The following PLA2G2D variants were observed in gnomAD, a reference collection of about 807,000 sequenced individuals.
PLA2G2D encodes group IID secretory phospholipase A2.
In PLA2G2D, 17 loss-of-function variants were observed where a neutral mutation model predicts 13.9. That is an observed-to-expected ratio of 1.23 (90% CI 0.84 to 1.84). PLA2G2D has a LOEUF of 1.84. Ranked by LOEUF, PLA2G2D falls within the 40% of genes most tolerant of loss-of-function variation. The probability of loss-of-function intolerance (pLI) is 0.00; values close to 1 mark genes in which losing one functional copy is unlikely to be tolerated. For synonymous variants in PLA2G2D, 83 were observed against 69.3 expected, an observed-to-expected ratio of 1.20 and a Z score of -0.98; for missense variants, 194 against 178.7, an observed-to-expected ratio of 1.09 and a Z score of -0.49.
Position 20,115,620 on chromosome 1 carries a change from CAG to C in PLA2G2D, c.186-9_186-8del. 1 of 1,580,492 alleles carries C rather than the reference CAG, an allele frequency of 6.3e-7. No individual in the cohort carries two copies. Among genetic ancestry groups the C allele is most frequent in the Non-Finnish European group, 8.7e-7 (1 of 1,149,752 alleles). ...GTCATGGGTCTGGCAGCACCTGGAG[CAG>C]ACAGGGTGCACAGCTGCATGGGTCC... On this transcript the variant is annotated splice_polypyrimidine_tract_variant and splice_region_variant and intron_variant, in intron 2 of 3. Coordinates refer to ENST00000375105, the MANE Select transcript of PLA2G2D (RefSeq NM_012400.4).
chr1:20,114,875 A>G (rs951302083), intron 3 of PLA2G2D, among the ~76,000 whole-genome samples: 1 of 152,216 alleles, frequency 6.6e-6, no homozygotes, highest in African/African-American at 2.4e-5. Context: ...TACTATTATT[A>G]TGAAGCCCTC....
intron 2 of PLA2G2D, among the ~76,000 whole-genome samples, chr1:20,115,839 A>G (rs41264133): frequency 0.035 from 5,302 of 152,222 alleles, 126 homozygotes; most frequent in Middle Eastern, 0.078. Context: ...CCACCATGGG[A>G]TGGAGGTACT....
chr1:20,118,604 T>C (rs1267656255), intron 1 of PLA2G2D, among the ~76,000 whole-genome samples: 1 of 152,224 alleles, frequency 6.6e-6, no homozygotes, highest in African/African-American at 2.4e-5. Flanking sequence ...ACACTTAGTG[T>C]CTGTTTTCCC....
rs902689513 is a variant in PLA2G2D at position 20,112,673 on chromosome 1, G to C, written c.*1441C>G. The stretch of plus-strand genomic sequence containing the variant: ...GATTCTTGTGCAAATGCTTTACTGA[G>C]GGAGTACTTTCTGGAGAAACCTGTG... On this transcript the variant is annotated 3_prime_UTR_variant, in exon 4 of 4. Coordinates refer to ENST00000375105, the MANE Select transcript of PLA2G2D (RefSeq NM_012400.4). 2.0e-5 allele frequency: 3 copies of C among 152,194 alleles called. No homozygotes were observed. The highest frequency in any genetic ancestry group is 1.3e-4 in the Admixed American group (2 of 15,276). The allele number at this position is 152,194 out of a possible 1,614,324, so 9.4% of individuals were successfully genotyped here.
Position 20,113,909 on chromosome 1 carries a change from AT to A in PLA2G2D, c.*204del. ...TGCTTGGGCTTCTCCCAAGATTCCC[AT>A]CCACCCTCAGAGGACACAGCTACTG... On this transcript the variant is annotated 3_prime_UTR_variant, in exon 4 of 4. Coordinates refer to ENST00000375105, the MANE Select transcript of PLA2G2D (RefSeq NM_012400.4). The A allele has an allele frequency of 4.1e-6, 2 of 483,436 alleles. No individual in the cohort carries two copies. Among genetic ancestry groups the A allele is most frequent in the Non-Finnish European group, 7.5e-6 (2 of 267,680 alleles). The allele number at this position is 483,436 out of a possible 1,614,324, so 29.9% of individuals were successfully genotyped here.
rs1254609304 is a variant in PLA2G2D, at chr1:20,113,576, G to T, written c.*538C>A. 6.6e-6 allele frequency: 1 copy of T among 152,380 alleles called. No individual in the cohort carries two copies. Among genetic ancestry groups the T allele is most frequent in the Non-Finnish European group, 1.5e-5 (1 of 68,282 alleles). 9.4% of individuals were successfully genotyped at this position (152,380 alleles called of 1,614,324 possible). ...AGGGATGCAACTGAGTTTAAGACAG[G>T]CATGGCCTCCACCTGCAGGGACTTC... On this transcript the variant is annotated 3_prime_UTR_variant, in exon 4 of 4. Transcript: ENST00000375105.
chr1:20,112,060 A>G lies in PLA2G2D; in HGVS notation c.*2054T>C, dbSNP rs1028374576. 5 of 151,548 alleles carry G rather than the reference A, an allele frequency of 3.3e-5. No individual in the cohort carries two copies. Among genetic ancestry groups the G allele is most frequent in the Non-Finnish European group, 7.4e-5 (5 of 67,950 alleles). The allele number at this position is 151,548 out of a possible 1,614,324, so 9.4% of individuals were successfully genotyped here. A position where few individuals can be genotyped will look rare whatever the true frequency, so the allele number is the denominator to read the frequency against. On this transcript the variant is annotated 3_prime_UTR_variant, in exon 4 of 4. Coordinates refer to ENST00000375105, the MANE Select transcript of PLA2G2D (RefSeq NM_012400.4). ...GGGCTCACTGAAACCTCTGCCTCCC[A>G]GGTCCAAGTGATTCTCCTGCCTCAG...
chr1:20,115,485 G>T lies in PLA2G2D; in HGVS notation c.292+22C>A, dbSNP rs2016966319. On this transcript the variant is annotated intron_variant, in intron 3 of 3. Coordinates refer to ENST00000375105, the MANE Select transcript of PLA2G2D (RefSeq NM_012400.4). ...TCCCTTCCTGGGGTCTCCAGCTCCT[G>T]CCCTGAGGTCTGCGTACTCACAGCA... The T allele has an allele frequency of 5.9e-6, 8 of 1,363,790 alleles. No individual in the cohort carries two copies. The East Asian group carries it at 1.6e-4, about 27-fold the overall frequency. The allele number at this position is 1,363,790 out of a possible 1,614,324, so 84.5% of individuals were successfully genotyped here. A position where few individuals can be genotyped will look rare whatever the true frequency, so the allele number is the denominator to read the frequency against.
intron 2 of PLA2G2D, among the ~76,000 whole-genome samples, 153 bp downstream of exon 2, chr1:20,116,180 C>T (rs148721758): frequency 1.7e-4 from 26 of 152,266 alleles, no homozygotes. Flanking sequence ...TCCAGGAGGG[C>T]TGGGACCGTA....
In PLA2G2D at chr1:20,114,625, T is replaced by C. The variant is rs138864211; in HGVS notation, c.293-366A>G. Among the ~76,000 whole-genome samples the C allele has an allele frequency of 2.3e-3, 344 of 152,016 alleles. 4 individuals are homozygous for C. The highest frequency in any genetic ancestry group is 7.7e-3 in the African/African-American group (318 of 41,448). On this transcript the variant is annotated intron_variant, in intron 3 of 3. Coordinates refer to ENST00000375105, the MANE Select transcript of PLA2G2D (RefSeq NM_012400.4). ...AGGGCTAGGAGATCAGAAAACAGGG[T>C]GGAAGAGCCTTTTGAGCTGAGATCG...
chr1:20,113,506 G>A lies in PLA2G2D; in HGVS notation c.*608C>T, dbSNP rs2016925753. On this transcript the variant is annotated 3_prime_UTR_variant, in exon 4 of 4. Transcript: ENST00000375105. ...GCTTTGTCTAGGCTTCACCCAAGAA[G>A]GATTTATGGAGCTCCTTCTTGGTTC... The A allele has an allele frequency of 6.6e-6, 1 of 152,214 alleles. No homozygotes were observed. The highest frequency in any genetic ancestry group is 6.5e-5 in the Admixed American group (1 of 15,286). The allele number at this position is 152,214 out of a possible 1,614,324, so 9.4% of individuals were successfully genotyped here. A position where few individuals can be genotyped will look rare whatever the true frequency, so the allele number is the denominator to read the frequency against.
At chr1:20,116,237 G>C in intron 2 of PLA2G2D, 96 bp downstream of exon 2, 3 of 1,253,078 alleles carry the variant, frequency 2.4e-6, no homozygotes, top group African/African-American at 2.9e-5. Context: ...CAACAAAATG[G>C]ATTCAACTCA....
At position 20,114,246 on chromosome 1, in the gene PLA2G2D, G is replaced by C; in HGVS notation, c.306C>G (p.Ser102Arg). The C allele has an allele frequency of 6.2e-7, 1 of 1,613,402 alleles. No homozygotes were observed. The highest frequency in any genetic ancestry group is 1.1e-5 in the South Asian group (1 of 91,024). ...AGGCACACAGCTGCTGCTCACACCA[G>C]CTTCCCTTGTCAGCTGTGGACGGAG... ...QGNIHCSDKGSWCEQQLCACD... is the reference protein window; with the variant it reads ...QGNIHCSDKGRWCEQQLCACD... The change falls in exon 4 of 4, where the codon AGC becomes AGG. Residue 102 changes from serine to arginine, a missense_variant. Physicochemically the swap from Ser to Arg is moderately radical, Grantham distance 110 (BLOSUM62 -1). Coordinates refer to ENST00000375105, the MANE Select transcript of PLA2G2D (RefSeq NM_012400.4).
chr1:20,115,640 A>G (rs564867314), intron 2 of PLA2G2D, 27 bp from the exon 3 acceptor site: 36 of 1,412,464 alleles, frequency 2.5e-5, no homozygotes, highest in Non-Finnish European at 3.3e-5. Flanking sequence ...GCACAGCTGC[A>G]TGGGTCCCCA....
At chr1:20,114,370 C>T (rs2016941891) in intron 3 of PLA2G2D, 111 bp from the exon 4 acceptor site, 3 of 1,131,914 alleles carry the variant, frequency 2.7e-6, no homozygotes, top group East Asian at 2.6e-5. Flanking sequence ...GTAGAGGTAC[C>T]GGTCCCAGCA....
intron 3 of PLA2G2D, 52 bp from the exon 4 acceptor site, chr1:20,114,311 C>G (rs1557767114): frequency 1.9e-6 from 3 of 1,575,102 alleles, no homozygotes; most frequent in South Asian, 1.2e-5. Flanking sequence ...GAGACAGAGG[C>G]AGGTATGAGT....
chr1:20,113,703 A>T lies in PLA2G2D; in HGVS notation c.*411T>A, dbSNP rs903812648. ...ACAGTGGAGGGCCTTGAGGTTTTAA[A>T]AGATAGAGCCACATGGACAGAAAGA... is the stretch of plus-strand genomic sequence containing the variant. On this transcript the variant is annotated 3_prime_UTR_variant, in exon 4 of 4. Transcript: ENST00000375105. 4.3e-5 allele frequency: 7 copies of T among 164,124 alleles called. No individual in the cohort carries two copies. The highest frequency in any genetic ancestry group is 9.2e-5 in the Non-Finnish European group (7 of 75,812). The allele number at this position is 164,124 out of a possible 1,614,324, so 10.2% of individuals were successfully genotyped here. A position where few individuals can be genotyped will look rare whatever the true frequency, so the allele number is the denominator to read the frequency against.
Position 20,112,015 on chromosome 1 carries a change from G to A in PLA2G2D, c.*2099C>T, listed in dbSNP as rs1159913052. On this transcript the variant is annotated 3_prime_UTR_variant, in exon 4 of 4. Coordinates refer to ENST00000375105, the MANE Select transcript of PLA2G2D (RefSeq NM_012400.4). ...AGAGTGTCACTCTGTTGCCCAGGCTGGAGTGCAGTGTCGCGATCTGGGCTC... is the reference window on the plus strand; with the variant it reads ...AGAGTGTCACTCTGTTGCCCAGGCTAGAGTGCAGTGTCGCGATCTGGGCTC... The A allele has an allele frequency of 6.7e-6, 1 of 149,474 alleles. No individual in the cohort carries two copies. Among genetic ancestry groups the A allele is most frequent in the Non-Finnish European group, 1.5e-5 (1 of 67,736 alleles). 9.3% of individuals were successfully genotyped at this position (149,474 alleles called of 1,614,324 possible).
At chr1:20,116,017 G>A (rs1328204254) in intron 2 of PLA2G2D, among the ~76,000 whole-genome samples, 1 of 151,984 alleles carries the variant, frequency 6.6e-6, no homozygotes, top group African/African-American at 2.4e-5. Context: ...GATCAAATGA[G>A]ATAACAGAAA....
Sources: allele counts gnomAD v4.1 joint callset (sites outside exome capture counted in the v4.1 genomes callset), GRCh38; gene constraint gnomAD v4.1.1; transcripts MANE v1.5; gene names NCBI Gene and HGNC (gene_info 2026-07-23, HGNC 2026-07-21).